Variants in SPTLC2 observed in about 807,000 individuals in gnomAD.
SPTLC2 encodes serine palmitoyltransferase long chain base subunit 2, also known as serine palmitoyltransferase 2.
Under a neutral mutation model 62.0 loss-of-function variants are expected in SPTLC2, and 21 were observed. That is an observed-to-expected ratio of 0.34 (90% CI 0.24 to 0.49). The LOEUF (loss-of-function observed/expected upper bound fraction) is 0.49, where lower values mean the gene tolerates loss of function less well. Among genes scored for constraint, SPTLC2 ranks in the 20% least tolerant of loss-of-function variants. The pLI is 0.99. For missense variants in SPTLC2, 511 were observed against 713.0 expected, an observed-to-expected ratio of 0.72 and a Z score of 3.23; for synonymous variants, 261 against 261.8, an observed-to-expected ratio of 1.00 and a Z score of 0.03.
rs2079529499 is a variant in SPTLC2, at chr14:77,546,634, C to A, written c.1303+5462G>T. On this transcript the variant is annotated intron_variant, in intron 9 of 11. Transcript: ENST00000216484. The stretch of plus-strand genomic sequence containing the variant: ...TACCACTGGACTGTTTTTTCAAAGG[C>A]AAAGATCACCTATTGTTCAACTCTG... Among the ~76,000 whole-genome samples the A allele has an allele frequency of 2.6e-5, 4 of 152,202 alleles. No homozygotes were observed. In the East Asian group the frequency reaches 7.7e-4, roughly 29 times the overall value.
rs73319080 is a variant in SPTLC2 at position 77,512,278 on chromosome 14, A to G, written c.*6T>C. On this transcript the variant is annotated 3_prime_UTR_variant, in exon 12 of 12. Transcript: ENST00000216484. Reference sequence around the variant, plus strand: ...GAGAGTTCCTCTGAGGGAGCACCAAAAAGGCTCAGTCTTCTGTTTCTTCAT... The same window carrying G: ...GAGAGTTCCTCTGAGGGAGCACCAAGAAGGCTCAGTCTTCTGTTTCTTCAT... The G allele has an allele frequency of 2.7e-4, 433 of 1,613,768 alleles. No individual in the cohort carries two copies. Among genetic ancestry groups the G allele is most frequent in the Non-Finnish European group, 3.6e-4 (420 of 1,179,996 alleles).
At chr14:77,529,629 T>C (rs1400470927) in intron 9 of SPTLC2, among the ~76,000 whole-genome samples, 5 of 134,628 alleles carry the variant, frequency 3.7e-5, no homozygotes, top group East Asian at 2.5e-4. Context: ...TCTTTTTTTT[T>C]TTTTTTTTTT....
chr14:77,576,007 C>T (rs188012444), intron 4 of SPTLC2, among the ~76,000 whole-genome samples: 4 of 152,342 alleles, frequency 2.6e-5, no homozygotes, highest in Admixed American at 6.5e-5. Context: ...TTCATGTCTC[C>T]AGCCATACAG....
rs1158103098 is a variant in SPTLC2 at position 77,576,852 on chromosome 14, T to C, written c.546A>G (p.Ala182=). The C allele has an allele frequency of 1.2e-6, 2 of 1,614,076 alleles. No individual in the cohort carries two copies. The highest frequency in any genetic ancestry group is 1.7e-5 in the Admixed American group (1 of 60,002). Residue 182 remains alanine, a synonymous_variant, in exon 4 of 12, where the codon GCA becomes GCG. Transcript: ENST00000216484. ...CTTCTTGACATGATCCAGTATTCCGTGCAAATCCAAGATAGTTGTAGGAAC... is the reference window on the plus strand; with the variant it reads ...CTTCTTGACATGATCCAGTATTCCGCGCAAATCCAAGATAGTTGTAGGAAC... ...NMGSYNYLGF[A]RNTGSCQEAA... is the part of the protein sequence containing the mutation.
At position 77,557,165 on chromosome 14, in the gene SPTLC2, AAC is replaced by A. The variant is rs768536292; in HGVS notation, c.851-21_851-20del. 7 of 1,595,676 alleles carry A rather than the reference AAC, an allele frequency of 4.4e-6. No individual in the cohort carries two copies. In the East Asian group the frequency reaches 1.3e-4, roughly 31 times the overall value. On this transcript the variant is annotated intron_variant, in intron 6 of 11. Transcript: ENST00000216484. ...TGCATATCTACAGAGCACAAAAAAG[AAC>A]AGTTATACCGCATCTTCCTCTTTCC... is the stretch of plus-strand genomic sequence containing the variant.
intron 9 of SPTLC2, among the ~76,000 whole-genome samples, chr14:77,523,612 C>A (rs531732610): frequency 6.0e-4 from 92 of 152,264 alleles, no homozygotes; most frequent in Non-Finnish European, 1.1e-3. Context: ...AGCAATAGGC[C>A]AAACAATTCC....
At chr14:77,512,777 G>A (rs970926324) in intron 11 of SPTLC2, among the ~76,000 whole-genome samples, 1 of 151,880 alleles carries the variant, frequency 6.6e-6, no homozygotes, top group Non-Finnish European at 1.5e-5. Flanking sequence ...GTGCTGTGGC[G>A]CCCTCCGAGC....
intron 3 of SPTLC2, among the ~76,000 whole-genome samples, chr14:77,578,349 T>TTTA (rs35762082): frequency 2.0e-5 from 3 of 151,364 alleles, no homozygotes; most frequent in African/African-American, 7.3e-5. Flanking sequence ...TTTTTTTTTT[T>TTTA]AAAGTCAAGA....
intron 9 of SPTLC2, among the ~76,000 whole-genome samples, chr14:77,540,672 G>A (rs764880412): frequency 6.6e-6 from 1 of 151,972 alleles, no homozygotes; most frequent in Non-Finnish European, 1.5e-5. Context: ...ATGGGGTTTC[G>A]CTATGTTGTC....
chr14:77,535,946 G>C (rs147204783), intron 9 of SPTLC2: 9,078 of 455,326 alleles, frequency 0.02, 156 homozygotes, highest in Non-Finnish European at 0.03. Context: ...GGGGATAAAG[G>C]AGAGAAACGA....
At chr14:77,556,292 G>A (rs2079583451) in intron 7 of SPTLC2, among the ~76,000 whole-genome samples, 1 of 151,446 alleles carries the variant, frequency 6.6e-6, no homozygotes, top group Non-Finnish European at 1.5e-5. Flanking sequence ...CAGCCTGGGT[G>A]ACACAGCGAG....
At chr14:77,574,980 G>C (rs1277488705) in intron 4 of SPTLC2, among the ~76,000 whole-genome samples, 1 of 152,168 alleles carries the variant, frequency 6.6e-6, no homozygotes, top group Non-Finnish European at 1.5e-5. Context: ...GGCTGAGTTA[G>C]GAGAATCACT....
intron 9 of SPTLC2, among the ~76,000 whole-genome samples, chr14:77,533,173 G>A (rs536712777): frequency 5.3e-5 from 8 of 152,102 alleles, no homozygotes; most frequent in Admixed American, 3.9e-4. Context: ...GGTGGTGCAC[G>A]CCTGGAGTTC....
At chr14:77,514,709 G>C (rs2079350111) in intron 11 of SPTLC2, among the ~76,000 whole-genome samples, 1 of 152,142 alleles carries the variant, frequency 6.6e-6, no homozygotes, top group Non-Finnish European at 1.5e-5. Flanking sequence ...TTGCTTCTAA[G>C]TATATTCACA....
intron 3 of SPTLC2, among the ~76,000 whole-genome samples, chr14:77,577,273 GATC>G (rs2079722061): frequency 6.6e-6 from 1 of 151,938 alleles, no homozygotes; most frequent in East Asian, 1.9e-4. Flanking sequence ...TACACATGAG[GATC>G]CTTTGAGAGC....
At chr14:77,589,856 C>G (rs565768237) in intron 2 of SPTLC2, among the ~76,000 whole-genome samples, 1 of 151,676 alleles carries the variant, frequency 6.6e-6, no homozygotes, top group African/African-American at 2.4e-5. Flanking sequence ...TGCACGCCTG[C>G]AGTCCCAGCT....
At chr14:77,571,672 C>T (rs2079684039) in intron 4 of SPTLC2, among the ~76,000 whole-genome samples, 1 of 152,166 alleles carries the variant, frequency 6.6e-6, no homozygotes, top group Admixed American at 6.6e-5. Flanking sequence ...GTCCTTAAGG[C>T]TTGCTTAATC....
chr14:77,581,664 G>A (rs899861936), intron 2 of SPTLC2, among the ~76,000 whole-genome samples: 3 of 151,488 alleles, frequency 2.0e-5, no homozygotes, highest in Non-Finnish European at 4.4e-5. Flanking sequence ...CACCCACCTC[G>A]GCCTCCCAAA....
intron 2 of SPTLC2, among the ~76,000 whole-genome samples, chr14:77,592,630 G>T (rs941223231): frequency 6.6e-6 from 1 of 151,984 alleles, no homozygotes; most frequent in Non-Finnish European, 1.5e-5. Context: ...AGGTTCAGGG[G>T]TACGTGTGCA....
Sources: gnomAD v4.1 joint callset for allele counts (sites outside exome capture counted in the v4.1 genomes callset) on GRCh38, gnomAD v4.1.1 for gene constraint, MANE v1.5 for transcripts, NCBI Gene and HGNC (gene_info 2026-07-23, HGNC 2026-07-21) for gene names.